The following GPC6 variants were observed in gnomAD, a reference collection of about 807,000 sequenced individuals.
GPC6 encodes the protein glypican 6.
In GPC6, 14 loss-of-function variants were observed where a neutral mutation model predicts 55.2. The observed-to-expected ratio is 0.25, with a 90% CI of 0.17 to 0.40. The LOEUF is 0.40. Among genes scored for constraint, GPC6 ranks in the 10% least tolerant of loss-of-function variants. GPC6 has a pLI of 1.00. For missense variants in GPC6, 641 were observed against 708.5 expected, an observed-to-expected ratio of 0.90 and a Z score of 1.08; for synonymous variants, 278 against 259.6, an observed-to-expected ratio of 1.07 and a Z score of -0.68.
At chr13:93,276,485 AGAGAGAGAGAGTGTGT>A (rs1566275842) in intron 1 of GPC6, among the ~76,000 whole-genome samples, 3 of 135,002 alleles carry the variant, frequency 2.2e-5, no homozygotes, top group East Asian at 2.1e-4. Context: ...AGAGAGAGAG[AGAGAGAGAGAGTGTGT>A]GTGTGTGTGT....
At chr13:93,909,889 C>T (rs1876871786) in intron 3 of GPC6, among the ~76,000 whole-genome samples, 1 of 152,048 alleles carries the variant, frequency 6.6e-6, no homozygotes, top group African/African-American at 2.4e-5. Flanking sequence ...TGCCTCCCTC[C>T]TCTGCTCTCA....
intron 1 of GPC6, among the ~76,000 whole-genome samples, chr13:93,431,866 T>C (rs1330095751): frequency 6.6e-6 from 1 of 152,186 alleles, no homozygotes; most frequent in Non-Finnish European, 1.5e-5. Flanking sequence ...CTTGCTTCCC[T>C]TCCTGTAGAT....
At chr13:93,677,375 A>T (rs1229952127) in intron 2 of GPC6, among the ~76,000 whole-genome samples, 1 of 152,172 alleles carries the variant, frequency 6.6e-6, no homozygotes, top group Non-Finnish European at 1.5e-5. Flanking sequence ...TATATTATTC[A>T]CCATTTATAA....
intron 3 of GPC6, among the ~76,000 whole-genome samples, chr13:93,963,909 A>C (rs1335389516): frequency 2.0e-5 from 3 of 152,188 alleles, no homozygotes; most frequent in South Asian, 2.1e-4. Context: ...GGTTTGTTCC[A>C]AGTATCAGGA....
intron 1 of GPC6, among the ~76,000 whole-genome samples, chr13:93,462,357 AAAATGC>A (rs1464262826): frequency 6.6e-6 from 1 of 152,166 alleles, no homozygotes; most frequent in African/African-American, 2.4e-5. Flanking sequence ...TTACCAGTAA[AAAATGC>A]AAATTTTCTA....
At chr13:93,375,920 G>A (rs192982324) in intron 1 of GPC6, among the ~76,000 whole-genome samples, 12 of 152,260 alleles carry the variant, frequency 7.9e-5, no homozygotes, top group Admixed American at 7.9e-4. Flanking sequence ...GTTCATTCTT[G>A]AGAGTAAAAA....
At chr13:93,555,935 A>C (rs562842280) in intron 2 of GPC6, among the ~76,000 whole-genome samples, 1 of 152,182 alleles carries the variant, frequency 6.6e-6, no homozygotes, top group Non-Finnish European at 1.5e-5. Context: ...CAGGATGTAG[A>C]GCTGGGGCAA....
At chr13:93,484,075 T>G (rs1879613602) in intron 1 of GPC6, among the ~76,000 whole-genome samples, 1 of 152,150 alleles carries the variant, frequency 6.6e-6, no homozygotes, top group African/African-American at 2.4e-5. Flanking sequence ...ACAAAAAAAG[T>G]ATTAAAATTT....
At chr13:94,402,163 A>G (rs1364964054) in intron 8 of GPC6, among the ~76,000 whole-genome samples, 1 of 152,210 alleles carries the variant, frequency 6.6e-6, no homozygotes, top group Non-Finnish European at 1.5e-5. Context: ...CAAAAGTCAT[A>G]TTGATAGAGA....
chr13:93,426,759 G>A (rs1465328929), intron 1 of GPC6, among the ~76,000 whole-genome samples: 1 of 152,082 alleles, frequency 6.6e-6, no homozygotes, highest in East Asian at 1.9e-4. Flanking sequence ...ACCCAGTAAT[G>A]GGATGGCTGA....
intron 1 of GPC6, among the ~76,000 whole-genome samples, chr13:93,544,171 C>T (rs943759747): frequency 3.3e-5 from 5 of 151,858 alleles, no homozygotes; most frequent in African/African-American, 1.2e-4. Context: ...TTCAAAACAG[C>T]AAAAGACCTA....
intron 2 of GPC6, among the ~76,000 whole-genome samples, chr13:93,716,105 A>G (rs1477563590): frequency 6.6e-6 from 1 of 151,662 alleles, no homozygotes; most frequent in Non-Finnish European, 1.5e-5. Context: ...GCTGGCGTAA[A>G]CAAACTTACT....
chr13:93,219,012 T>A, the GPC6 span, among the ~76,000 whole-genome samples: 2 of 147,822 alleles, frequency 1.4e-5, no homozygotes, highest in Non-Finnish European at 3.0e-5. Flanking sequence ...TCCATTAAGA[T>A]TTTTGAGTTT....
chr13:93,611,250 T>C (rs943577038), intron 2 of GPC6, among the ~76,000 whole-genome samples: 2 of 152,118 alleles, frequency 1.3e-5, no homozygotes, highest in Non-Finnish European at 2.9e-5. Context: ...ACAATGATAT[T>C]GACTTCTTAT....
At chr13:94,111,038 C>T (rs1280286474) in intron 4 of GPC6, among the ~76,000 whole-genome samples, 6 of 152,150 alleles carry the variant, frequency 3.9e-5, no homozygotes, top group Admixed American at 2.0e-4. Context: ...TTGAACATTG[C>T]GCTAACAGCA....
At chr13:93,834,564 G>A (rs1459929646) in intron 3 of GPC6, among the ~76,000 whole-genome samples, 1 of 152,098 alleles carries the variant, frequency 6.6e-6, no homozygotes, top group African/African-American at 2.4e-5. Context: ...TCTTAAGCCA[G>A]GTGCTTGAGG....
intron 3 of GPC6, among the ~76,000 whole-genome samples, chr13:93,902,263 A>G (rs1594573103): frequency 6.6e-6 from 1 of 152,052 alleles, no homozygotes; most frequent in South Asian, 2.1e-4. Context: ...CTTCATGAGA[A>G]CAGCTTCCTT....
At chr13:93,889,220 G>A (rs905620878) in intron 3 of GPC6, among the ~76,000 whole-genome samples, 2 of 152,060 alleles carry the variant, frequency 1.3e-5, no homozygotes, top group African/African-American at 2.4e-5. Flanking sequence ...AATTCATAAT[G>A]CAGCTTTCTC....
chr13:94,078,250 G>A (rs1309399066), intron 4 of GPC6, among the ~76,000 whole-genome samples: 1 of 151,570 alleles, frequency 6.6e-6, no homozygotes, highest in Non-Finnish European at 1.5e-5. Context: ...AAAACATATG[G>A]GATGCAACAA....
Sources: gnomAD v4.1 joint callset for allele counts (sites outside exome capture counted in the v4.1 genomes callset) on GRCh38, gnomAD v4.1.1 for gene constraint, MANE v1.5 for transcripts, NCBI Gene and HGNC (gene_info 2026-07-23, HGNC 2026-07-21) for gene names.